Variants in TSPEAR observed in about 807,000 individuals in gnomAD.
TSPEAR encodes thrombospondin type laminin G domain and EAR repeats.
In TSPEAR, 69 loss-of-function variants were observed where a neutral mutation model predicts 71.6. The ratio of observed to expected loss-of-function variants is 0.96; its 90% CI spans 0.79 to 1.18. TSPEAR has a LOEUF of 1.18. Among genes scored for constraint, TSPEAR ranks in the 50% most tolerant of loss-of-function variants. TSPEAR has a pLI of 0.00. For missense variants in TSPEAR, 971 were observed against 894.9 expected (o/e 1.09, Z -1.09); for synonymous variants, 402 against 387.2 (o/e 1.04, Z -0.45).
At chr21:44,625,613 G>C (rs146020858) in intron 1 of TSPEAR, among the ~76,000 whole-genome samples, 220 of 152,330 alleles carry the variant, frequency 1.4e-3, no homozygotes, top group African/African-American at 4.9e-3. Flanking sequence ...CCACATGCAA[G>C]TCTGAGTGGA....
chr21:44,624,680 G>T (rs2058026188), intron 1 of TSPEAR, among the ~76,000 whole-genome samples: 1 of 152,162 alleles, frequency 6.6e-6, no homozygotes, highest in South Asian at 2.1e-4. Context: ...ACAGTCTGTT[G>T]TTGTTGTTGT....
rs531878582 is a variant in TSPEAR, at chr21:44,687,857, G to A, written c.82+23576C>T. Among the ~76,000 whole-genome samples, 2 of 152,132 alleles carry A rather than the reference G, an allele frequency of 1.3e-5. No individual in the cohort carries two copies. The highest frequency in any genetic ancestry group is 2.9e-5 in the Non-Finnish European group (2 of 68,024). The stretch of plus-strand genomic sequence containing the variant: ...AACAAATGCTGAACTCGAGTTAATG[G>A]CAGGTTGCTGCAGTGTGTGAGTGAA... On this transcript the variant is annotated intron_variant, in intron 1 of 11. Coordinates refer to ENST00000323084, the MANE Select transcript of TSPEAR (RefSeq NM_144991.3). This position sits in a 1 kb window ranked among gnomAD's most constrained non-coding sequence, Gnocchi z 4.4.
intron 1 of TSPEAR, chr21:44,676,793 C>T: frequency 1.1e-6 from 1 of 897,062 alleles, no homozygotes; most frequent in South Asian, 1.3e-5. Context: ...AATGCTTTTG[C>T]TACTACAGAG....
At chr21:44,681,562 C>A (rs781801848) in intron 1 of TSPEAR, 3 of 461,054 alleles carry the variant, frequency 6.5e-6, no homozygotes, top group Non-Finnish European at 1.1e-5. Flanking sequence ...AAAAGAGAGA[C>A]AAGAAACGCA....
intron 10 of TSPEAR, chr21:44,508,551 C>G: frequency 8.9e-7 from 1 of 1,119,864 alleles, no homozygotes; most frequent in South Asian, 2.1e-5. Context: ...AATTCCACCC[C>G]AGAGGACGCC....
At chr21:44,579,740 G>A (rs782391499) in intron 1 of TSPEAR, 27 of 1,598,586 alleles carry the variant, frequency 1.7e-5, no homozygotes, top group Middle Eastern at 1.7e-4. Flanking sequence ...TCAGCAACTG[G>A]ACTCCTGGCC....
intron 1 of TSPEAR, among the ~76,000 whole-genome samples, chr21:44,668,053 G>A (rs1156683133): frequency 2.0e-5 from 3 of 152,164 alleles, no homozygotes; most frequent in Non-Finnish European, 4.4e-5. Flanking sequence ...CTAGGCAATT[G>A]TTTTTAAAAG....
chr21:44,534,903 G>A (rs587630628), intron 2 of TSPEAR, among the ~76,000 whole-genome samples: 1 of 152,314 alleles, frequency 6.6e-6, no homozygotes, highest in African/African-American at 2.4e-5. Context: ...ATGGGTAAAC[G>A]CAGTGTGGTC....
At chr21:44,582,989 T>C (rs1325978009) in intron 1 of TSPEAR, among the ~76,000 whole-genome samples, 2 of 19,632 alleles carry the variant, frequency 1.0e-4, no homozygotes, top group African/African-American at 1.9e-4. Flanking sequence ...CATCCAGCTA[T>C]TTTTCTTTCT....
At chr21:44,653,797 T>TC (rs1984953823) in intron 1 of TSPEAR, among the ~76,000 whole-genome samples, 1 of 152,148 alleles carries the variant, frequency 6.6e-6, no homozygotes, top group South Asian at 2.1e-4. Flanking sequence ...GGTTGGGGGT[T>TC]CCCATCAGGC....
At chr21:44,527,998 A>G (rs1555915188) in intron 6 of TSPEAR, among the ~76,000 whole-genome samples, 1 of 152,128 alleles carries the variant, frequency 6.6e-6, no homozygotes, top group East Asian at 1.9e-4. Context: ...CTGATCTAGC[A>G]GACAGGGAGG....
chr21:44,626,967 T>C (rs1555934478), intron 1 of TSPEAR, among the ~76,000 whole-genome samples: 1 of 152,064 alleles, frequency 6.6e-6, no homozygotes, highest in Non-Finnish European at 1.5e-5. Context: ...CTGGGCAATG[T>C]CACCAGCAAA....
intron 2 of TSPEAR, chr21:44,539,156 C>T (rs1283934462): frequency 8.7e-6 from 12 of 1,375,610 alleles, no homozygotes; most frequent in African/African-American, 2.9e-5. Context: ...CTCCTGGGAG[C>T]AAGGAGGGGG....
At chr21:44,675,769 C>T (rs1293958320) in intron 1 of TSPEAR, 2 of 526,130 alleles carry the variant, frequency 3.8e-6, no homozygotes, top group South Asian at 2.2e-5. Context: ...TAAGCCTGCT[C>T]ATGTCTAGAC....
intron 1 of TSPEAR, among the ~76,000 whole-genome samples, chr21:44,599,497 T>C (rs1241956354): frequency 2.0e-5 from 3 of 152,180 alleles, no homozygotes; most frequent in Admixed American, 2.0e-4. Context: ...CTATGGCTGG[T>C]CATCACTGAC....
At chr21:44,696,193 C>T (rs1987324042) in intron 1 of TSPEAR, among the ~76,000 whole-genome samples, 1 of 152,168 alleles carries the variant, frequency 6.6e-6, no homozygotes, top group African/African-American at 2.4e-5. Flanking sequence ...TATAGCTAGA[C>T]CCAACCGTCT....
At position 44,533,769 on chromosome 21, in the gene TSPEAR, ACCAG is replaced by A. The variant is rs1555916009; in HGVS notation, c.454_457del (p.Leu152TrpfsTer29). 1 of 1,612,384 alleles carries A rather than the reference ACCAG, an allele frequency of 6.2e-7. No homozygotes were observed. Among genetic ancestry groups the A allele is most frequent in the Non-Finnish European group, 8.5e-7 (1 of 1,179,848 alleles). On this transcript the variant is annotated frameshift_variant, in exon 3 of 12. Coordinates refer to ENST00000323084, the MANE Select transcript of TSPEAR (RefSeq NM_144991.3). LOFTEE classifies it high-confidence loss of function. ...GACCAGTGTGTGCCAGCGGCCATCCACCAGGGCCGGGCTGCGGAAGGACACTCGG... is the reference window on the plus strand; with the variant it reads ...GACCAGTGTGTGCCAGCGGCCATCCAGGCCGGGCTGCGGAAGGACACTCGG...
At position 44,623,399 on chromosome 21, in the gene TSPEAR, C is replaced by A. The variant is rs782033941; in HGVS notation, c.83-55394G>T. 6.6e-6 allele frequency among the ~76,000 whole-genome samples: 1 copy of A among 152,014 alleles called. No homozygotes were observed. Among genetic ancestry groups the A allele is most frequent in the African/African-American group, 2.4e-5 (1 of 41,378 alleles). On this transcript the variant is annotated intron_variant, in intron 1 of 11. Coordinates refer to ENST00000323084, the MANE Select transcript of TSPEAR (RefSeq NM_144991.3). This position sits in a 1 kb window ranked among gnomAD's most constrained non-coding sequence, Gnocchi z 4.5. ...AAGACTGCTTTAACTTCATGTAGCC[C>A]CCTCCTGAATTTTGTGATCTTCTTG... is the stretch of plus-strand genomic sequence containing the variant.
At chr21:44,579,346 GT>G (rs1428457316) in intron 1 of TSPEAR, 1 of 234,322 alleles carries the variant, frequency 4.3e-6, no homozygotes, top group Non-Finnish European at 8.3e-6. Flanking sequence ...TTAGGCCACT[GT>G]CCCCCGTGAC....
Sources: allele counts gnomAD v4.1 joint callset (sites outside exome capture counted in the v4.1 genomes callset), GRCh38; gene constraint gnomAD v4.1.1; non-coding constraint Gnocchi (gnomAD v3.1); transcripts MANE v1.5; gene names NCBI Gene and HGNC (gene_info 2026-07-23, HGNC 2026-07-21).